ASIC2: variants seen among roughly 807,000 people sequenced by gnomAD.
ASIC2 encodes acid-sensing ion channel 2.
Under a neutral mutation model 57.3 loss-of-function variants are expected in ASIC2, and 25 were observed. The observed-to-expected ratio is 0.44, with a 90% CI of 0.32 to 0.61. ASIC2 has a LOEUF of 0.61. ASIC2 is among the 20% of genes least tolerant of loss of function. The probability of loss-of-function intolerance (pLI) is 0.06; values close to 1 mark genes in which losing one functional copy is unlikely to be tolerated. For missense variants in ASIC2, 641 were observed against 738.1 expected (o/e 0.87, Z 1.52); for synonymous variants, 319 against 307.5 (o/e 1.04, Z -0.39).
At chr17:33,802,419 G>A (rs1183726518) in intron 1 of ASIC2, among the ~76,000 whole-genome samples, 9 of 152,200 alleles carry the variant, frequency 5.9e-5, no homozygotes, top group Admixed American at 5.9e-4. Context: ...AGCGATGTGT[G>A]GCTGTATTTT....
At chr17:33,372,186 G>A (rs1909094560) in intron 1 of ASIC2, among the ~76,000 whole-genome samples, 1 of 152,058 alleles carries the variant, frequency 6.6e-6, no homozygotes. Context: ...CTGTAGCAGG[G>A]CTGGGCTCTC....
chr17:33,879,412 G>C (rs1288092459), intron 1 of ASIC2, among the ~76,000 whole-genome samples: 1 of 152,182 alleles, frequency 6.6e-6, no homozygotes, highest in Non-Finnish European at 1.5e-5. Context: ...GATGGAGGAA[G>C]ATCTTCCAAA....
In ASIC2 at chr17:33,098,124, G is replaced by A. The variant is rs780886862; in HGVS notation, c.860-9134C>T. 6.6e-5 allele frequency among the ~76,000 whole-genome samples: 10 copies of A among 152,210 alleles called. No homozygotes were observed. In the East Asian group the frequency reaches 1.9e-3, roughly 29 times the overall value. The stretch of plus-strand genomic sequence containing the variant: ...AATGAAGCAGGGGCTGATCTCTCAG[G>A]TTACTTTTAGCTCTAAAATTCTATG... On this transcript the variant is annotated intron_variant, in intron 2 of 9. Coordinates refer to ENST00000225823, the MANE Select transcript of ASIC2 (RefSeq NM_183377.2).
At chr17:33,097,903 A>G (rs2092189934) in intron 2 of ASIC2, among the ~76,000 whole-genome samples, 1 of 152,236 alleles carries the variant, frequency 6.6e-6, no homozygotes, top group African/African-American at 2.4e-5. Context: ...AGAGAAATCC[A>G]GGGAAAGCCC....
At chr17:33,727,895 G>T (rs552039416) in intron 1 of ASIC2, among the ~76,000 whole-genome samples, 10 of 152,174 alleles carry the variant, frequency 6.6e-5, no homozygotes, top group Non-Finnish European at 1.5e-4. Flanking sequence ...TTCATCCTTT[G>T]TTCATATTGT....
chr17:34,108,001 T>C (rs938103435), intron 1 of ASIC2, among the ~76,000 whole-genome samples: 4 of 152,218 alleles, frequency 2.6e-5, no homozygotes, highest in African/African-American at 9.6e-5. Flanking sequence ...ATCCTTCTTA[T>C]GTTCTTTATG....
At chr17:33,627,223 C>G (rs576866575) in intron 1 of ASIC2, 1 of 152,212 alleles carries the variant, frequency 6.6e-6, no homozygotes, top group East Asian at 1.9e-4. Flanking sequence ...AGATTTCTCT[C>G]TAGAGACACA....
chr17:33,554,546 G>A, intron 1 of ASIC2, among the ~76,000 whole-genome samples: 1 of 152,152 alleles, frequency 6.6e-6, no homozygotes, highest in East Asian at 1.9e-4. Context: ...AAAGGGCCTG[G>A]GGTTGCCAGT....
chr17:34,131,327 A>T (rs533081047), intron 1 of ASIC2, among the ~76,000 whole-genome samples: 1 of 152,292 alleles, frequency 6.6e-6, no homozygotes, highest in South Asian at 2.1e-4. Context: ...CTGGGGAGGA[A>T]TCAATTAGAA....
chr17:33,799,427 C>CTTTCTTTCTTTCTTTCTTTCTTCTTTCT (rs11439080), intron 1 of ASIC2, among the ~76,000 whole-genome samples: 2 of 84,058 alleles, frequency 2.4e-5, no homozygotes, highest in South Asian at 3.9e-4. Context: ...TTCTTTCTTT[C>CTTTCTTTCTTTCTTTCTTTCTTCTTTCT]TTCTTTCTTT....
At chr17:33,441,281 T>G (rs534596477) in intron 1 of ASIC2, among the ~76,000 whole-genome samples, 1 of 152,220 alleles carries the variant, frequency 6.6e-6, no homozygotes. Flanking sequence ...ATTTTCTTAA[T>G]GATGCCTCTT....
chr17:34,063,480 A>G (rs1344848207), intron 1 of ASIC2, among the ~76,000 whole-genome samples: 2 of 152,196 alleles, frequency 1.3e-5, no homozygotes, highest in Non-Finnish European at 2.9e-5. Flanking sequence ...GCCCACTTTC[A>G]CCACTCCTCT....
intron 1 of ASIC2, among the ~76,000 whole-genome samples, chr17:33,264,756 T>C (rs1339110140): frequency 6.6e-6 from 1 of 152,234 alleles, no homozygotes; most frequent in African/African-American, 2.4e-5. Context: ...ACTCTAAGAC[T>C]GTTGGCAGGG....
intron 1 of ASIC2, among the ~76,000 whole-genome samples, chr17:34,000,603 A>T (rs2142015104): frequency 6.6e-6 from 1 of 152,234 alleles, no homozygotes; most frequent in South Asian, 2.1e-4. Context: ...CTTCATAGGT[A>T]TGAGTGTTCA....
chr17:33,688,388 G>C (rs1427990895), intron 1 of ASIC2, among the ~76,000 whole-genome samples: 3 of 152,096 alleles, frequency 2.0e-5, no homozygotes, highest in Admixed American at 1.3e-4. Flanking sequence ...TGAAGTTTTT[G>C]AATAATTTAC....
At chr17:33,625,041 A>G (rs1905928794) in intron 1 of ASIC2, among the ~76,000 whole-genome samples, 1 of 151,924 alleles carries the variant, frequency 6.6e-6, no homozygotes, top group African/African-American at 2.4e-5. Flanking sequence ...TCCTTGTACC[A>G]GGATCAGTCT....
At chr17:33,130,844 G>A (rs2092342860) in intron 1 of ASIC2, among the ~76,000 whole-genome samples, 1 of 152,318 alleles carries the variant, frequency 6.6e-6, no homozygotes, top group African/African-American at 2.4e-5. Flanking sequence ...GGGGAGTGGA[G>A]CGAGATGGGA....
intron 1 of ASIC2, among the ~76,000 whole-genome samples, chr17:34,145,204 C>T (rs1178053748): frequency 6.6e-6 from 1 of 152,194 alleles, no homozygotes; most frequent in Non-Finnish European, 1.5e-5. Context: ...GAAATATCCA[C>T]TCTTTTGTGT....
chr17:33,815,458 C>T (rs1912548284), intron 1 of ASIC2, among the ~76,000 whole-genome samples: 1 of 152,202 alleles, frequency 6.6e-6, no homozygotes, highest in Admixed American at 6.5e-5. Flanking sequence ...CACACTCACC[C>T]ATATTTCTTA....
Sources: allele counts gnomAD v4.1 joint callset (sites outside exome capture counted in the v4.1 genomes callset), GRCh38; gene constraint gnomAD v4.1.1; transcripts MANE v1.5; gene names NCBI Gene and HGNC (gene_info 2026-07-23, HGNC 2026-07-21).